SLC35D4: variants seen among roughly 807,000 people sequenced by gnomAD.
SLC35D4 encodes UDP-N-acetylglucosamine transporter SLC35D4.
chr18:23,274,963 G>C, the SLC35D4 span, among the ~76,000 whole-genome samples: 8 of 151,950 alleles, frequency 5.3e-5, no homozygotes, highest in East Asian at 1.5e-3. Flanking sequence ...ATGTGTGCTT[G>C]TGTGTGCGCT....
chr18:23,332,057 A>G, the SLC35D4 span, among the ~76,000 whole-genome samples: 1 of 88,134 alleles, frequency 1.1e-5, no homozygotes, highest in African/African-American at 4.5e-5. Flanking sequence ...GGCTAATTTA[A>G]AAAGAATTTT....
chr18:23,344,535 GATTTGCAGAT>G, the SLC35D4 span, among the ~76,000 whole-genome samples: 1 of 150,884 alleles, frequency 6.6e-6, no homozygotes, highest in South Asian at 2.1e-4. Flanking sequence ...CAGACATTAT[GATTTGCAGAT>G]ATTTTCTCCT....
At chr18:23,338,113 T>C in the SLC35D4 span, among the ~76,000 whole-genome samples, 1 of 152,238 alleles carries the variant, frequency 6.6e-6, no homozygotes, top group Non-Finnish European at 1.5e-5. Context: ...GTGGTCTCCA[T>C]GGAAACCACC....
At chr18:23,280,948 C>G in the SLC35D4 span, among the ~76,000 whole-genome samples, 2 of 152,110 alleles carry the variant, frequency 1.3e-5, no homozygotes, top group Non-Finnish European at 2.9e-5. Flanking sequence ...CTCCCACCCA[C>G]GCCTCTCCCC....
the SLC35D4 span, among the ~76,000 whole-genome samples, chr18:23,274,953 A>G: frequency 8.9e-3 from 1,334 of 149,686 alleles, 19 homozygotes; most frequent in African/African-American, 0.031. Flanking sequence ...GTGAGTGTAT[A>G]TGTGTGCTTG....
chr18:23,297,939 G>A, the SLC35D4 span: 271 of 1,563,262 alleles, frequency 1.7e-4, no homozygotes, highest in Admixed American at 7.9e-4. Context: ...TGAGACCAGG[G>A]GCTCGTACAC....
At chr18:23,420,036 G>T in the SLC35D4 span, among the ~76,000 whole-genome samples, 3 of 152,130 alleles carry the variant, frequency 2.0e-5, no homozygotes, top group Non-Finnish European at 4.4e-5. Flanking sequence ...GGGCACAGTG[G>T]TTCATGCCTG....
At chr18:23,281,103 T>C in the SLC35D4 span, among the ~76,000 whole-genome samples, 1 of 152,240 alleles carries the variant, frequency 6.6e-6, no homozygotes, top group Admixed American at 6.5e-5. Context: ...AAAGTGGATT[T>C]GTGGCTGCCT....
chr18:23,274,921 G>A, the SLC35D4 span, among the ~76,000 whole-genome samples: 2 of 152,162 alleles, frequency 1.3e-5, no homozygotes. Context: ...GTGTGCTTGC[G>A]AGTGTGTGCT....
At chr18:23,254,068 G>A in the SLC35D4 span, 3 of 725,224 alleles carry the variant, frequency 4.1e-6, no homozygotes, top group Admixed American at 7.0e-5. Context: ...TGAAGGCTAT[G>A]AAGTCTTTCC....
At chr18:23,240,104 C>T in the SLC35D4 span, among the ~76,000 whole-genome samples, 2 of 152,140 alleles carry the variant, frequency 1.3e-5, no homozygotes, top group Admixed American at 1.3e-4. Context: ...GACAATAAAG[C>T]AAGACCCTGT....
At chr18:23,269,276 G>A in the SLC35D4 span, among the ~76,000 whole-genome samples, 2 of 152,210 alleles carry the variant, frequency 1.3e-5, no homozygotes, top group East Asian at 3.9e-4. Flanking sequence ...TGGTGATAGA[G>A]TTCTCACAAG....
the SLC35D4 span, among the ~76,000 whole-genome samples, chr18:23,274,243 T>A: frequency 2.0e-5 from 3 of 152,186 alleles, 1 homozygote; most frequent in South Asian, 6.2e-4. Flanking sequence ...GCCCTACATT[T>A]CCATTGTAAA....
At chr18:23,339,741 G>C in the SLC35D4 span, among the ~76,000 whole-genome samples, 3 of 152,200 alleles carry the variant, frequency 2.0e-5, no homozygotes, top group Admixed American at 6.5e-5. Context: ...TCTGGTGAAG[G>C]CTGCTGTCTC....
At chr18:23,435,159 GA>G in the SLC35D4 span, among the ~76,000 whole-genome samples, 96 of 141,124 alleles carry the variant, frequency 6.8e-4, no homozygotes, top group African/African-American at 1.4e-3. Context: ...CTGTGTCTCA[GA>G]AAAAAAAAAA....
the SLC35D4 span, among the ~76,000 whole-genome samples, chr18:23,338,175 T>C: frequency 1.3e-5 from 2 of 152,242 alleles, no homozygotes; most frequent in African/African-American, 2.4e-5. Context: ...TGACTCTTTA[T>C]ATAGGTTTAA....
At chr18:23,244,636 G>A in the SLC35D4 span, among the ~76,000 whole-genome samples, 1 of 152,236 alleles carries the variant, frequency 6.6e-6, no homozygotes, top group Non-Finnish European at 1.5e-5. Context: ...GAGCCCGAAT[G>A]CCGGTATACA....
At chr18:23,293,299 C>T in the SLC35D4 span, among the ~76,000 whole-genome samples, 99 of 152,298 alleles carry the variant, frequency 6.5e-4, no homozygotes, top group African/African-American at 2.3e-3. Context: ...ACAGACATAT[C>T]ATGGGAGCCA....
the SLC35D4 span, among the ~76,000 whole-genome samples, chr18:23,427,080 G>A: frequency 3.0e-4 from 46 of 152,116 alleles, no homozygotes; most frequent in Admixed American, 7.9e-4. Context: ...AGAAAACCTA[G>A]GCAATACCAT....
Sources: allele counts gnomAD v4.1 joint callset (sites outside exome capture counted in the v4.1 genomes callset), GRCh38; gene constraint gnomAD v4.1.1; transcripts MANE v1.5; gene names NCBI Gene and HGNC (gene_info 2026-07-23, HGNC 2026-07-21).